Variants in WDR7 observed in about 807,000 individuals in gnomAD.
The protein encoded by WDR7 is WD repeat domain 7.
Under a neutral mutation model 169.4 loss-of-function variants are expected in WDR7, and 46 were observed. The ratio of observed to expected loss-of-function variants is 0.27; its 90% CI spans 0.21 to 0.35. WDR7 has a LOEUF of 0.35. WDR7 is among the 10% of genes least tolerant of loss of function. WDR7 has a pLI of 1.00. For synonymous variants in WDR7, 612 were observed against 666.8 expected (o/e 0.92, Z 1.27); for missense variants, 1,534 against 1,859.3 (o/e 0.83, Z 3.22).
intron 20 of WDR7, among the ~76,000 whole-genome samples, chr18:56,870,663 A>G (rs1277921505): frequency 6.6e-6 from 1 of 152,188 alleles, no homozygotes; most frequent in Admixed American, 6.5e-5. Flanking sequence ...CAATTAATTA[A>G]TTAATTTAGA....
At chr18:56,785,502 G>A (rs1313216254) in intron 19 of WDR7, among the ~76,000 whole-genome samples, 1 of 152,078 alleles carries the variant, frequency 6.6e-6, no homozygotes, top group African/African-American at 2.4e-5. Flanking sequence ...TTAAAATTGA[G>A]CTTTGTCTAA....
chr18:56,655,921 C>G (rs1186524370), intron 1 of WDR7, among the ~76,000 whole-genome samples: 1 of 152,180 alleles, frequency 6.6e-6, no homozygotes, highest in African/African-American at 2.4e-5. Flanking sequence ...TTGCATTTAT[C>G]AATAGTTTGT....
At chr18:56,701,275 C>G (rs1368524217) in intron 12 of WDR7, among the ~76,000 whole-genome samples, 1 of 152,166 alleles carries the variant, frequency 6.6e-6, no homozygotes, top group Non-Finnish European at 1.5e-5. Flanking sequence ...GTTTGACTAA[C>G]TACATATTGA....
chr18:56,862,681 T>A (rs1213857984), intron 20 of WDR7, among the ~76,000 whole-genome samples: 1 of 151,872 alleles, frequency 6.6e-6, no homozygotes, highest in Non-Finnish European at 1.5e-5. Flanking sequence ...TTATATATAA[T>A]GGCATTGAAA....
chr18:56,854,954 C>T (rs2045696605), intron 20 of WDR7, among the ~76,000 whole-genome samples: 1 of 152,030 alleles, frequency 6.6e-6, no homozygotes, highest in Non-Finnish European at 1.5e-5. Context: ...GAACTATGGA[C>T]AAAACCAATA....
chr18:56,834,788 G>T (rs1443554674), intron 20 of WDR7, among the ~76,000 whole-genome samples: 2 of 152,174 alleles, frequency 1.3e-5, no homozygotes, highest in Non-Finnish European at 2.9e-5. Context: ...TATATGAAGT[G>T]CTATTAATTC....
rs200902295 is a variant in WDR7, at chr18:56,757,142, G to C, written c.2549G>C (p.Gly850Ala). Residue 850 changes from glycine to alanine, a missense_variant, in exon 15 of 28, where the codon GGT (glycine) becomes GCT (alanine). Gly to Ala is a moderately conservative substitution (Grantham distance 60). Transcript: ENST00000254442. ...GGCCATATGTCACTGATGCTGCCGG[G>C]TTATAATCAGCCTGCTTGTAAACTG... ...RGGHMSLMLP[G>A]YNQPACKLSH... The C allele has an allele frequency of 2.1e-5, 34 of 1,613,978 alleles. No homozygotes were observed. Among genetic ancestry groups the C allele is most frequent in the Middle Eastern group, 1.6e-4 (1 of 6,084 alleles).
At chr18:56,803,013 G>A (rs573394610) in intron 19 of WDR7, among the ~76,000 whole-genome samples, 2 of 151,414 alleles carry the variant, frequency 1.3e-5, no homozygotes, top group South Asian at 2.1e-4. Context: ...TTTTTATCAT[G>A]TATCTTCTAG....
At chr18:56,677,485 G>C (rs1029341997) in intron 2 of WDR7, among the ~76,000 whole-genome samples, 33 of 152,206 alleles carry the variant, frequency 2.2e-4, no homozygotes, top group African/African-American at 7.0e-4. Flanking sequence ...AAGTAGCTGG[G>C]ACTACAGATG....
At chr18:56,677,389 GC>G (rs1325738207) in intron 2 of WDR7, among the ~76,000 whole-genome samples, 1 of 152,050 alleles carries the variant, frequency 6.6e-6, no homozygotes, top group Non-Finnish European at 1.5e-5. Context: ...TTTCTCTGTT[GC>G]CCAGGCTGAA....
chr18:57,024,049 T>A (rs2048324763), intron 27 of WDR7, among the ~76,000 whole-genome samples: 1 of 152,222 alleles, frequency 6.6e-6, no homozygotes, highest in African/African-American at 2.4e-5. Flanking sequence ...CTTCTCTTCA[T>A]CTTTATGTAT....
At chr18:57,002,684 C>T (rs578118629) in intron 26 of WDR7, among the ~76,000 whole-genome samples, 79 of 152,256 alleles carry the variant, frequency 5.2e-4, no homozygotes, top group African/African-American at 1.9e-3. Context: ...TTCTGTAACA[C>T]TTGAATGGCT....
At chr18:56,665,101 TGGCCAACATG>T (rs1366861227) in intron 1 of WDR7, among the ~76,000 whole-genome samples, 1 of 152,096 alleles carries the variant, frequency 6.6e-6, no homozygotes, top group Admixed American at 6.6e-5. Flanking sequence ...GAGATCAGCC[TGGCCAACATG>T]GCAAAACCCC....
intron 19 of WDR7, among the ~76,000 whole-genome samples, chr18:56,794,915 G>C (rs1159984005): frequency 6.6e-6 from 1 of 152,058 alleles, no homozygotes; most frequent in African/African-American, 2.4e-5. Flanking sequence ...TTTGTAGTGT[G>C]ATGAGTTTTG....
At chr18:56,845,234 T>C (rs1254123453) in intron 20 of WDR7, among the ~76,000 whole-genome samples, 5 of 152,170 alleles carry the variant, frequency 3.3e-5, no homozygotes, top group Admixed American at 2.6e-4. Flanking sequence ...ATTTTCTCTT[T>C]TAATAATACC....
At chr18:56,794,304 A>ATTTTTTTTTTTTTTTTTTT (rs566857049) in intron 19 of WDR7, among the ~76,000 whole-genome samples, 832 of 49,460 alleles carry the variant, frequency 0.017, 298 homozygotes, top group South Asian at 0.026. Flanking sequence ...GGTAAAGTCT[A>ATTTTTTTTTTTTTTTTTTT]TTTTTTTTTT....
intron 21 of WDR7, among the ~76,000 whole-genome samples, chr18:56,915,472 A>G (rs965028350): frequency 2.0e-5 from 3 of 152,180 alleles, no homozygotes; most frequent in African/African-American, 7.2e-5. Flanking sequence ...TTTGGTTGTA[A>G]TTGAGCTACT....
intron 20 of WDR7, among the ~76,000 whole-genome samples, chr18:56,829,169 G>GTC (rs1471985033): frequency 1.5e-4 from 23 of 150,470 alleles, no homozygotes; most frequent in African/African-American, 5.6e-4. Flanking sequence ...TGCACCTGTA[G>GTC]TCTCAGCTAC....
chr18:56,971,597 A>C (rs1476634099), intron 26 of WDR7, among the ~76,000 whole-genome samples: 1 of 152,172 alleles, frequency 6.6e-6, no homozygotes, highest in Non-Finnish European at 1.5e-5. Flanking sequence ...CAAGAAGAGC[A>C]CTACCCCAGA....
Sources: gnomAD v4.1 joint callset for allele counts (sites outside exome capture counted in the v4.1 genomes callset) on GRCh38, gnomAD v4.1.1 for gene constraint, MANE v1.5 for transcripts, NCBI Gene and HGNC (gene_info 2026-07-23, HGNC 2026-07-21) for gene names.